Variants in PDE7A observed in about 807,000 individuals in gnomAD.
The protein encoded by PDE7A is phosphodiesterase 7A.
A neutral mutation model predicts 64.3 loss-of-function variants in PDE7A; 39 were observed. The observed-to-expected ratio is 0.61, with a 90% CI of 0.47 to 0.79. The LOEUF (loss-of-function observed/expected upper bound fraction) is 0.79, where lower values mean the gene tolerates loss of function less well. Among genes scored for constraint, PDE7A ranks in the 30% least tolerant of loss-of-function variants. The pLI is 0.00. For synonymous variants in PDE7A, 203 were observed against 206.8 expected, an observed-to-expected ratio of 0.98 and a Z score of 0.16; for missense variants, 470 against 582.8, an observed-to-expected ratio of 0.81 and a Z score of 1.99.
At chr8:65,761,595 T>C (rs1808498240) in intron 3 of PDE7A, among the ~76,000 whole-genome samples, 1 of 152,204 alleles carries the variant, frequency 6.6e-6, no homozygotes, top group Admixed American at 6.5e-5. Flanking sequence ...AAAGAGCAGT[T>C]GGCTTTGCTG....
intron 1 of PDE7A, among the ~76,000 whole-genome samples, chr8:65,789,674 C>G (rs564120247): frequency 1.3e-5 from 2 of 152,324 alleles, no homozygotes; most frequent in South Asian, 4.1e-4. Context: ...GTTCTCGCGG[C>G]TGTAAGTGAG....
chr8:65,751,459 T>C (rs1221212269), intron 3 of PDE7A, among the ~76,000 whole-genome samples: 2 of 152,274 alleles, frequency 1.3e-5, no homozygotes, highest in South Asian at 2.1e-4. Context: ...AAAGTTTCTA[T>C]TGTATCCTTC....
chr8:65,829,597 G>C (rs1810762182), intron 1 of PDE7A, among the ~76,000 whole-genome samples: 1 of 152,068 alleles, frequency 6.6e-6, no homozygotes. Context: ...AAAGTTGGAA[G>C]AACTAAATTT....
chr8:65,747,540 C>CT, intron 4 of PDE7A, 112 bp downstream of exon 4: 1 of 590,252 alleles, frequency 1.7e-6, no homozygotes, highest in Non-Finnish European at 2.7e-6. Context: ...ATAGGCTCAA[C>CT]TGCTTTTCAT....
chr8:65,744,158 TAAG>T (rs1159178212), intron 5 of PDE7A, among the ~76,000 whole-genome samples: 1 of 151,736 alleles, frequency 6.6e-6, no homozygotes. Context: ...TACCAGTGAA[TAAG>T]AACACAAATC....
intron 1 of PDE7A, among the ~76,000 whole-genome samples, chr8:65,828,094 G>C (rs749620133): frequency 1.3e-5 from 2 of 151,234 alleles, no homozygotes; most frequent in Non-Finnish European, 2.9e-5. Flanking sequence ...TTTTTTAAAG[G>C]GACTATTTCA....
chr8:65,790,339 T>C (rs1159587428), intron 1 of PDE7A, among the ~76,000 whole-genome samples: 11 of 151,952 alleles, frequency 7.2e-5, no homozygotes, highest in African/African-American at 1.7e-4. Context: ...TGGTCAAGTA[T>C]AGGGAGGTGG....
intron 12 of PDE7A, 28 bp downstream of exon 12, chr8:65,723,513 C>G: frequency 1.4e-6 from 2 of 1,432,178 alleles, no homozygotes; most frequent in Non-Finnish European, 1.8e-6. Flanking sequence ...ATTTTTCTAA[C>G]CAGCTATATC....
chr8:65,772,493 C>T (rs1351094319), intron 3 of PDE7A, among the ~76,000 whole-genome samples: 1 of 152,090 alleles, frequency 6.6e-6, no homozygotes, highest in Non-Finnish European at 1.5e-5. Context: ...ATCACAAATT[C>T]CTAATCCAAG....
At chr8:65,816,377 AAAG>A (rs1810401106) in intron 1 of PDE7A, among the ~76,000 whole-genome samples, 2 of 152,356 alleles carry the variant, frequency 1.3e-5, no homozygotes, top group South Asian at 2.1e-4. Flanking sequence ...AATGCTTTTT[AAAG>A]AAGAGATGAG....
intron 1 of PDE7A, among the ~76,000 whole-genome samples, chr8:65,828,727 T>C (rs973582143): frequency 3.3e-5 from 5 of 152,158 alleles, no homozygotes; most frequent in African/African-American, 1.2e-4. Context: ...TTACTCATTT[T>C]CTTATATCCT....
chr8:65,766,986 A>C (rs17304935), intron 3 of PDE7A, among the ~76,000 whole-genome samples: 62,258 of 151,616 alleles, frequency 0.41, 16,635 homozygotes, highest in African/African-American at 0.77. Context: ...TGTCAGAAAT[A>C]AGTCTGCTCA....
At chr8:65,810,357 G>C (rs57580745) in intron 1 of PDE7A, among the ~76,000 whole-genome samples, 18 of 150,278 alleles carry the variant, frequency 1.2e-4, no homozygotes, top group African/African-American at 4.4e-4. Flanking sequence ...TGGGGTGGGG[G>C]GATGGGGGAG....
At chr8:65,783,345 G>A (rs1325283149) in intron 1 of PDE7A, among the ~76,000 whole-genome samples, 1 of 152,042 alleles carries the variant, frequency 6.6e-6, no homozygotes, top group Admixed American at 6.6e-5. Context: ...CGTTACTTTC[G>A]AGAGTCATCT....
At chr8:65,743,240 T>C (rs1280956567) in intron 5 of PDE7A, among the ~76,000 whole-genome samples, 1 of 152,152 alleles carries the variant, frequency 6.6e-6, no homozygotes, top group Non-Finnish European at 1.5e-5. Context: ...GAAAGGGGAA[T>C]TTCCCTGAGC....
At chr8:65,726,292 C>T (rs765249733) in intron 9 of PDE7A, among the ~76,000 whole-genome samples, 2 of 152,092 alleles carry the variant, frequency 1.3e-5, no homozygotes, top group Non-Finnish European at 2.9e-5. Flanking sequence ...GCCTTATTCA[C>T]ATTAATGTTT....
chr8:65,766,091 G>A (rs6998190), intron 3 of PDE7A, among the ~76,000 whole-genome samples: 87,934 of 151,796 alleles, frequency 0.58, 28,590 homozygotes, highest in African/African-American at 0.89. Flanking sequence ...GATTACAGGC[G>A]CCCGCCACCA....
At chr8:65,800,154 C>T (rs2128927924) in intron 1 of PDE7A, among the ~76,000 whole-genome samples, 1 of 151,322 alleles carries the variant, frequency 6.6e-6, no homozygotes, top group South Asian at 2.1e-4. Context: ...CTTTCAGAGG[C>T]TCGGACCCCC....
intron 1 of PDE7A, among the ~76,000 whole-genome samples, chr8:65,827,900 T>C (rs577459742): frequency 6.6e-6 from 1 of 152,306 alleles, no homozygotes; most frequent in East Asian, 1.9e-4. Flanking sequence ...CACATGACTC[T>C]ACTTTCATTT....
Sources: gnomAD v4.1 joint callset for allele counts (sites outside exome capture counted in the v4.1 genomes callset) on GRCh38, gnomAD v4.1.1 for gene constraint, MANE v1.5 for transcripts, NCBI Gene and HGNC (gene_info 2026-07-23, HGNC 2026-07-21) for gene names.